The following JAK1 variants were observed in gnomAD, a reference collection of about 807,000 sequenced individuals.
The protein encoded by JAK1 is tyrosine-protein kinase JAK1.
A neutral mutation model predicts 136.6 loss-of-function variants in JAK1; 16 were observed. That is an observed-to-expected ratio of 0.12 (90% CI 0.08 to 0.18). The LOEUF (loss-of-function observed/expected upper bound fraction) is 0.18. Ranked by LOEUF, JAK1 falls within the 10% of genes least tolerant of loss-of-function variation. The pLI is 1.00. For missense variants in JAK1, 859 were observed against 1,450.1 expected (o/e 0.59, Z 6.62); for synonymous variants, 492 against 519.5 (o/e 0.95, Z 0.72).
chr1:64,897,485 G>A lies in JAK1; in HGVS notation c.-77-11144C>T, dbSNP rs1317402045. 4.1e-3 allele frequency among the ~76,000 whole-genome samples: 6 copies of A among 1,462 alleles called. 1 individual carries two copies. The East Asian group carries it at 0.27, about 66-fold the overall frequency. 1.0% of individuals were successfully genotyped at this position (1,462 alleles called of 152,430 possible). A position where few individuals can be genotyped will look rare whatever the true frequency, so the allele number is the denominator to read the frequency against. On this transcript the variant is annotated intron_variant, in intron 1 of 24. Transcript: ENST00000342505. Reference sequence around the variant, plus strand: ...GACGAGGGAGGAGGAGGGGGGGAGGGGGAGGGGGGGAGGAGGAGGGGGGAG... The same window carrying A: ...GACGAGGGAGGAGGAGGGGGGGAGGAGGAGGGGGGGAGGAGGAGGGGGGAG...
At chr1:65,002,457 C>G (rs1254416156) in intron 2 of JAK1, 1 of 152,238 alleles carries the variant, frequency 6.6e-6, no homozygotes, top group Non-Finnish European at 1.5e-5. Context: ...AAGCAAGTAA[C>G]AAGCTTTTGG....
chr1:64,870,521 A>C (rs1277664189), intron 5 of JAK1, among the ~76,000 whole-genome samples: 1 of 152,136 alleles, frequency 6.6e-6, no homozygotes, highest in Non-Finnish European at 1.5e-5. Flanking sequence ...AGGGCTTAGC[A>C]AGTGGTAGGC....
rs199793278 is a variant in JAK1, at chr1:64,980,550, TTTTC to T, written c.-78+63926_-78+63929del. On this transcript the variant is annotated intron_variant, in intron 2 of 25. Transcript: ENST00000671954. ...CTAACAGCTGGATCCTTGGTCTCAA[TTTTC>T]TTTTTTTTTTTTAAACTCTTTTTTT... is the stretch of plus-strand genomic sequence containing the variant. Among the ~76,000 whole-genome samples, 1,197 of 150,332 alleles carry T rather than the reference TTTTC, an allele frequency of 8.0e-3. 21 individuals are homozygous for T. The highest frequency in any genetic ancestry group is 0.028 in the African/African-American group (1,146 of 40,630).
chr1:64,852,305 C>T (rs915617552), intron 11 of JAK1, among the ~76,000 whole-genome samples: 2 of 152,188 alleles, frequency 1.3e-5, no homozygotes, highest in African/African-American at 4.8e-5. Context: ...TTAGGATTCA[C>T]ACTGAAGTCA....
chr1:64,936,092 G>A (rs557563455), intron 1 of JAK1, among the ~76,000 whole-genome samples: 2 of 152,274 alleles, frequency 1.3e-5, no homozygotes, highest in African/African-American at 4.8e-5. Flanking sequence ...AGAGGCCAAT[G>A]TGCAATTACT....
At chr1:64,932,141 G>A (rs1444165663) in intron 1 of JAK1, among the ~76,000 whole-genome samples, 4 of 150,602 alleles carry the variant, frequency 2.7e-5, no homozygotes, top group African/African-American at 9.7e-5. Context: ...TGGGCCAGGT[G>A]TGGTTGCTCA....
chr1:65,028,972 A>G (rs1647000929), intron 2 of JAK1, among the ~76,000 whole-genome samples: 1 of 152,218 alleles, frequency 6.6e-6, no homozygotes, highest in Non-Finnish European at 1.5e-5. Context: ...AATATGAACA[A>G]AGTAAAAGAA....
At chr1:64,855,405 G>T in intron 11 of JAK1, 104 bp downstream of exon 11, 1 of 1,026,388 alleles carries the variant, frequency 9.7e-7, no homozygotes, top group Non-Finnish European at 1.4e-6. Context: ...TAGAAACTGT[G>T]GGGAGGGTCC....
At chr1:65,035,019 G>A (rs1647060259) in intron 2 of JAK1, among the ~76,000 whole-genome samples, 1 of 152,014 alleles carries the variant, frequency 6.6e-6, no homozygotes, top group South Asian at 2.1e-4. Context: ...TCGCACCATT[G>A]CACTCCAGCT....
Position 64,879,730 on chromosome 1 carries a change from C to T in JAK1, c.206-582G>A, listed in dbSNP as rs140078835. Among the ~76,000 whole-genome samples, 12 of 152,288 alleles carry T rather than the reference C, an allele frequency of 7.9e-5. No homozygotes were observed. In the East Asian group the frequency reaches 2.1e-3, roughly 27 times the overall value. On this transcript the variant is annotated intron_variant, in intron 3 of 24. Transcript: ENST00000342505. ...TAATAATAAATATACTTCTTAAGTA[C>T]TCTGTATGATTATCACAAATATTTT... is the stretch of plus-strand genomic sequence containing the variant.
At chr1:64,934,167 G>C (rs1645746766) in intron 1 of JAK1, among the ~76,000 whole-genome samples, 1 of 152,122 alleles carries the variant, frequency 6.6e-6, no homozygotes, top group Non-Finnish European at 1.5e-5. Context: ...TCCTGTTCCT[G>C]GTCACCAATT....
At chr1:65,052,440 G>A (rs1569953399) in intron 1 of JAK1, among the ~76,000 whole-genome samples, 2 of 152,244 alleles carry the variant, frequency 1.3e-5, no homozygotes, top group African/African-American at 4.8e-5. Context: ...CACTTTGGGA[G>A]GCCGAGGCAG....
At chr1:64,931,353 C>T (rs955922368) in intron 1 of JAK1, among the ~76,000 whole-genome samples, 1 of 152,168 alleles carries the variant, frequency 6.6e-6, no homozygotes, top group South Asian at 2.1e-4. Context: ...GACTACAACT[C>T]CCATAAGAAG....
chr1:64,902,577 AGAGAGAGT>A (rs1036514488), intron 1 of JAK1, among the ~76,000 whole-genome samples: 3 of 40,510 alleles, frequency 7.4e-5, no homozygotes, highest in African/African-American at 2.1e-4. Flanking sequence ...AGAGAGAGAG[AGAGAGAGT>A]GTGTGTGTGT....
intron 11 of JAK1, among the ~76,000 whole-genome samples, chr1:64,853,361 G>C (rs1655720423): frequency 6.6e-6 from 1 of 152,174 alleles, no homozygotes. Flanking sequence ...GCAGGGTGGG[G>C]GCAGTGGTAC....
intron 7 of JAK1, among the ~76,000 whole-genome samples, chr1:64,866,017 C>T (rs192033794): frequency 1.3e-5 from 2 of 152,302 alleles, no homozygotes. Flanking sequence ...GCCTCAGCCT[C>T]CCAAAGTGCT....
At chr1:64,857,924 G>T in intron 9 of JAK1, 145 bp from the exon 10 acceptor site, 1 of 962,682 alleles carries the variant, frequency 1.0e-6, no homozygotes, top group Non-Finnish European at 1.6e-6. Flanking sequence ...AGTCCCCTCT[G>T]ATGCCATCCA....
chr1:65,047,036 A>C (rs1647190493), intron 1 of JAK1, among the ~76,000 whole-genome samples: 1 of 151,716 alleles, frequency 6.6e-6, no homozygotes, highest in South Asian at 2.1e-4. Context: ...ATAGGAAAAA[A>C]AAAATAGCTA....
At chr1:65,006,560 G>A (rs544426156) in intron 2 of JAK1, among the ~76,000 whole-genome samples, 2 of 152,236 alleles carry the variant, frequency 1.3e-5, no homozygotes, top group Admixed American at 6.5e-5. Context: ...GTCTTGCTGT[G>A]TTGAACACCT....
Sources: gnomAD v4.1 joint callset for allele counts (sites outside exome capture counted in the v4.1 genomes callset) on GRCh38, gnomAD v4.1.1 for gene constraint, MANE v1.5 for transcripts, NCBI Gene and HGNC (gene_info 2026-07-23, HGNC 2026-07-21) for gene names.